PIKFYVE: variants seen among roughly 807,000 people sequenced by gnomAD.
The protein encoded by PIKFYVE is 1-phosphatidylinositol 3-phosphate 5-kinase.
Under a neutral mutation model 257.9 loss-of-function variants are expected in PIKFYVE, and 122 were observed. The observed-to-expected ratio is 0.47, with a 90% CI of 0.41 to 0.55. The LOEUF (loss-of-function observed/expected upper bound fraction) is 0.55. PIKFYVE is among the 20% of genes least tolerant of loss of function. PIKFYVE has a pLI of 0.00. For synonymous variants in PIKFYVE, 892 were observed against 868.9 expected (o/e 1.03, Z -0.47); for missense variants, 2,160 against 2,536.6 (o/e 0.85, Z 3.19).
chr2:208,324,812 A>G, intron 18 of PIKFYVE, 99 bp from the exon 19 acceptor site: 2 of 1,393,574 alleles, frequency 1.4e-6, no homozygotes, highest in Non-Finnish European at 2.0e-6. Flanking sequence ...GAAATTTGTG[A>G]ATGTTATTTT....
chr2:208,293,627 TGAG>T (rs907348665), intron 7 of PIKFYVE, among the ~76,000 whole-genome samples: 2 of 152,020 alleles, frequency 1.3e-5, no homozygotes, highest in Non-Finnish European at 2.9e-5. Context: ...GCGTGGCTTC[TGAG>T]GAGAAGTCAG....
chr2:208,278,001 A>G (rs1414757650), intron 5 of PIKFYVE, among the ~76,000 whole-genome samples: 1 of 152,214 alleles, frequency 6.6e-6, no homozygotes, highest in Non-Finnish European at 1.5e-5. Context: ...ACTAATTTAA[A>G]TCACTATGAG....
chr2:208,344,097 C>T (rs1037665543), intron 32 of PIKFYVE, among the ~76,000 whole-genome samples: 4 of 152,068 alleles, frequency 2.6e-5, no homozygotes, highest in African/African-American at 4.8e-5. Flanking sequence ...GGCTTACAGG[C>T]GTGAGCCACC....
chr2:208,305,917 A>G (rs1192356134), intron 12 of PIKFYVE, among the ~76,000 whole-genome samples: 2 of 152,228 alleles, frequency 1.3e-5, no homozygotes, highest in Non-Finnish European at 2.9e-5. Context: ...TTTTAAACAT[A>G]TAACTGTCTA....
chr2:208,288,868 A>G (rs1691925752), intron 7 of PIKFYVE, 50 bp downstream of exon 7: 3 of 1,602,404 alleles, frequency 1.9e-6, no homozygotes, highest in Non-Finnish European at 2.6e-6. Context: ...ATTTCTTTTC[A>G]TGCTAATAAG....
rs552127341 is a variant in PIKFYVE at position 208,326,839 on chromosome 2, C to T, written c.3618+410C>T. 2.7e-3 allele frequency among the ~76,000 whole-genome samples: 416 copies of T among 152,088 alleles called. 1 individual carries two copies. Among genetic ancestry groups the T allele is most frequent in the South Asian group, 5.4e-3 (26 of 4,818 alleles). Reference sequence around the variant, plus strand: ...AGTTAGCAGCAAATATATTTGTTTTCTCAAAAAAAGTTAGCTCTTTTTTTA... The same window carrying T: ...AGTTAGCAGCAAATATATTTGTTTTTTCAAAAAAAGTTAGCTCTTTTTTTA... On this transcript the variant is annotated intron_variant, in intron 20 of 41. Transcript: ENST00000264380.
At chr2:208,278,727 G>A (rs1490027441) in intron 5 of PIKFYVE, among the ~76,000 whole-genome samples, 3 of 152,118 alleles carry the variant, frequency 2.0e-5, no homozygotes, top group Non-Finnish European at 2.9e-5. Flanking sequence ...TTGCTGCAAA[G>A]GACATAATTT....
At chr2:208,329,992 C>G in intron 22 of PIKFYVE, 79 bp downstream of exon 22, 4 of 1,555,470 alleles carry the variant, frequency 2.6e-6, no homozygotes, top group Non-Finnish European at 1.7e-6. Flanking sequence ...AAACATGAGT[C>G]GGATGTTAAG....
chr2:208,335,466 T>C (rs1190390781), intron 25 of PIKFYVE, 47 bp downstream of exon 25: 3 of 1,315,072 alleles, frequency 2.3e-6, no homozygotes, highest in South Asian at 2.4e-5. Flanking sequence ...TTTACAGCTA[T>C]TTTAAAGTAT....
intron 15 of PIKFYVE, among the ~76,000 whole-genome samples, chr2:208,316,431 A>G (rs1202571839): frequency 2.0e-5 from 3 of 151,966 alleles, no homozygotes; most frequent in Non-Finnish European, 4.4e-5. Context: ...TTCTAGTTCT[A>G]GATCCCTGAG....
chr2:208,341,088 A>G (rs1222813893), intron 31 of PIKFYVE, among the ~76,000 whole-genome samples: 2 of 151,740 alleles, frequency 1.3e-5, no homozygotes, highest in Admixed American at 6.6e-5. Context: ...GCTCATTGCA[A>G]CCTCTGCCTC....
chr2:208,328,411 T>A, intron 21 of PIKFYVE, 131 bp downstream of exon 21: 1 of 1,069,172 alleles, frequency 9.4e-7, no homozygotes, highest in Non-Finnish European at 1.4e-6. Flanking sequence ...CATATATGAA[T>A]TGATAGAACT....
rs753918855 is a variant in PIKFYVE at position 208,276,753 on chromosome 2, C to T, written c.364C>T (p.Pro122Ser). 3 of 1,613,598 alleles carry T rather than the reference C, an allele frequency of 1.9e-6. No individual in the cohort carries two copies. The highest frequency in any genetic ancestry group is 2.5e-6 in the Non-Finnish European group (3 of 1,179,664). The change falls in exon 4 of 42, where the codon CCT (proline) becomes TCT (serine). Residue 122 changes from proline to serine, a missense_variant. By Grantham distance (74) the Pro-to-Ser change is moderately conservative (BLOSUM62 -1). Coordinates refer to ENST00000264380, the MANE Select transcript of PIKFYVE (RefSeq NM_015040.4). ...KAEPTFGGHDPRTAVQLRSLS... is the reference protein window; with the variant it reads ...KAEPTFGGHDSRTAVQLRSLS... Reference sequence around the variant, plus strand: ...AGAACCTACCTTTGGAGGTCATGACCCTCGTACAGCTGTTCAGCTTCGAAG... The same window carrying T: ...AGAACCTACCTTTGGAGGTCATGACTCTCGTACAGCTGTTCAGCTTCGAAG...
intron 7 of PIKFYVE, among the ~76,000 whole-genome samples, chr2:208,291,001 T>A (rs1158151741): frequency 3.3e-5 from 5 of 152,182 alleles, no homozygotes; most frequent in Non-Finnish European, 1.5e-5. Context: ...CCTTTTCCTG[T>A]CTTATTTCAT....
intron 38 of PIKFYVE, 75 bp downstream of exon 38, chr2:208,351,530 A>G (rs547522321): frequency 4.7e-5 from 56 of 1,193,616 alleles, no homozygotes; most frequent in Admixed American, 8.4e-5. Flanking sequence ...CTGTTAGTCT[A>G]TTCTTGTGTT....
At chr2:208,337,022 T>C (rs1459792207) in intron 28 of PIKFYVE, 94 bp downstream of exon 28, 5 of 886,092 alleles carry the variant, frequency 5.6e-6, no homozygotes, top group South Asian at 2.8e-5. Context: ...ATATGTACTT[T>C]AGTAATGATA....
chr2:208,284,410 G>A (rs529904761), intron 5 of PIKFYVE, among the ~76,000 whole-genome samples: 4 of 151,928 alleles, frequency 2.6e-5, no homozygotes, highest in Non-Finnish European at 4.4e-5. Flanking sequence ...ACAGGCACCC[G>A]CCGCCATGCC....
intron 1 of PIKFYVE, among the ~76,000 whole-genome samples, chr2:208,268,601 A>C (rs1176851704): frequency 1.3e-5 from 2 of 151,612 alleles, no homozygotes; most frequent in Non-Finnish European, 2.9e-5. Flanking sequence ...ATATAAAAAA[A>C]ACACAAACTT....
At chr2:208,320,390 AGAGG>A (rs777597010) in intron 17 of PIKFYVE, 31 bp downstream of exon 17, 3 of 1,606,868 alleles carry the variant, frequency 1.9e-6, no homozygotes, top group Non-Finnish European at 2.6e-6. Context: ...ATAATAATTT[AGAGG>A]GATGTTTGTG....
Sources: allele counts gnomAD v4.1 joint callset (sites outside exome capture counted in the v4.1 genomes callset), GRCh38; gene constraint gnomAD v4.1.1; transcripts MANE v1.5; gene names NCBI Gene and HGNC (gene_info 2026-07-23, HGNC 2026-07-21).